Variants in NUP153 observed in about 807,000 individuals in gnomAD.
The protein encoded by NUP153 is nuclear pore complex protein Nup153.
A neutral mutation model predicts 134.6 loss-of-function variants in NUP153; 27 were observed. The ratio of observed to expected loss-of-function variants is 0.20; its 90% CI spans 0.15 to 0.28. The LOEUF (loss-of-function observed/expected upper bound fraction) is 0.28. Among genes scored for constraint, NUP153 ranks in the 10% least tolerant of loss-of-function variants. The pLI, the probability that NUP153 is intolerant of heterozygous loss-of-function variation, is 1.00. For synonymous variants in NUP153, 640 were observed against 623.5 expected, an observed-to-expected ratio of 1.03 and a Z score of -0.40; for missense variants, 1,821 against 1,731.3, an observed-to-expected ratio of 1.05 and a Z score of -0.92.
chr6:17,642,025 AGTAG>A (rs1433850418), intron 14 of NUP153, among the ~76,000 whole-genome samples: 1 of 152,196 alleles, frequency 6.6e-6, no homozygotes, highest in Non-Finnish European at 1.5e-5. Context: ...TTTAAAAAGT[AGTAG>A]GTAAAGTACT....
At chr6:17,689,808 A>T (rs1769171021) in intron 1 of NUP153, among the ~76,000 whole-genome samples, 1 of 152,118 alleles carries the variant, frequency 6.6e-6, no homozygotes, top group Non-Finnish European at 1.5e-5. Context: ...TACAAGCATG[A>T]GCCACCGTGC....
At chr6:17,661,585 T>C in intron 11 of NUP153, 68 bp downstream of exon 11, 1 of 1,490,256 alleles carries the variant, frequency 6.7e-7, no homozygotes, top group Non-Finnish European at 9.0e-7. Flanking sequence ...CCTACAGGTC[T>C]CCCCTTACCA....
Position 17,625,959 on chromosome 6 carries a change from C to G in NUP153, c.3750G>C (p.Gln1250His), listed in dbSNP as rs760941892. 6 of 1,614,028 alleles carry G rather than the reference C, an allele frequency of 3.7e-6. No homozygotes were observed. The Admixed American group carries it at 1.0e-4, about 27-fold the overall frequency. Residue 1250 changes from glutamine to histidine, a missense_variant, in exon 19 of 22, where the codon CAG (glutamine) becomes CAC (histidine). Gln to His is a conservative substitution (Grantham distance 24). Transcript: ENST00000262077. This position sits in a 1 kb window ranked among gnomAD's most constrained non-coding sequence, Gnocchi z 4.7. Reference protein sequence around the residue: ...FGNTAESSTSQSLLFSQDSKL... With the variant: ...FGNTAESSTSHSLLFSQDSKL... ...TGCTATCTTGAGAAAATAGCAAAGACTGAGAGGTGCTGGATTCAGCAGTGT... is the reference window on the plus strand; with the variant it reads ...TGCTATCTTGAGAAAATAGCAAAGAGTGAGAGGTGCTGGATTCAGCAGTGT...
intron 11 of NUP153, chr6:17,651,833 CCT>C: frequency 1.5e-6 from 1 of 648,132 alleles, no homozygotes; most frequent in Non-Finnish European, 2.9e-6. Context: ...GTAGCACATA[CCT>C]GTAATCTCAG....
At chr6:17,673,042 C>T (rs1768006348) in intron 5 of NUP153, among the ~76,000 whole-genome samples, 1 of 152,142 alleles carries the variant, frequency 6.6e-6, no homozygotes, top group African/African-American at 2.4e-5. Flanking sequence ...AATACACACA[C>T]ACGCACACAC....
intron 2 of NUP153, among the ~76,000 whole-genome samples, chr6:17,681,336 T>C (rs955333169): frequency 2.0e-5 from 3 of 152,068 alleles, no homozygotes; most frequent in Non-Finnish European, 2.9e-5. Context: ...CCTGTAATCC[T>C]AGCACTTTGG....
Position 17,626,059 on chromosome 6 carries a change from G to A in NUP153, c.3650C>T (p.Ser1217Phe). The A allele has an allele frequency of 1.2e-6, 2 of 1,614,118 alleles. No individual in the cohort carries two copies. The highest frequency in any genetic ancestry group is 1.7e-6 in the Non-Finnish European group (2 of 1,180,012). Reference sequence around the variant, plus strand: ...GGTAGCCACAGGTGGATTGGAGGAAGAGGTGGAACTACCAAATATGCCACC... The same window carrying A: ...GGTAGCCACAGGTGGATTGGAGGAAAAGGTGGAACTACCAAATATGCCACC... Reference protein sequence around the residue: ...AGGGIFGSSTSSSNPPVATFV... With the variant: ...AGGGIFGSSTFSSNPPVATFV... Residue 1217 changes from serine to phenylalanine, a missense_variant, in exon 19 of 22, where the codon TCT (serine) becomes TTT (phenylalanine). Transcript: ENST00000262077.
chr6:17,691,722 G>A (rs983198484), intron 1 of NUP153, among the ~76,000 whole-genome samples: 2 of 152,088 alleles, frequency 1.3e-5, no homozygotes, highest in African/African-American at 2.4e-5. Context: ...CTCCAGCCTG[G>A]GTGACACAGC....
chr6:17,668,973 A>G lies in NUP153; in HGVS notation c.1068+2T>C. On this transcript the variant is annotated splice_donor_variant, in intron 8 of 21. Transcript: ENST00000262077. LOFTEE classifies it high-confidence loss of function. ...AATAACTAAATGCTAAAGAAGTTTTACCTTTTCTCTTTTGGCCTGAAAATC... is the reference window on the plus strand; with the variant it reads ...AATAACTAAATGCTAAAGAAGTTTTGCCTTTTCTCTTTTGGCCTGAAAATC... 1 of 1,555,480 alleles carries G rather than the reference A, an allele frequency of 6.4e-7. No individual in the cohort carries two copies. Among genetic ancestry groups the G allele is most frequent in the East Asian group, 2.3e-5 (1 of 43,240 alleles).
intron 1 of NUP153, among the ~76,000 whole-genome samples, chr6:17,689,244 G>A (rs1769132050): frequency 6.7e-6 from 1 of 148,996 alleles, no homozygotes; most frequent in African/African-American, 2.6e-5. Context: ...AAAATTAGCA[G>A]GGCATGGTGG....
chr6:17,696,039 A>G (rs1769622100), intron 1 of NUP153, among the ~76,000 whole-genome samples: 1 of 152,092 alleles, frequency 6.6e-6, no homozygotes, highest in East Asian at 1.9e-4. Flanking sequence ...AAAATACTGG[A>G]ACAATTTTTT....
rs188581729 is a variant in NUP153 at position 17,673,076 on chromosome 6, G to C, written c.852+1829C>G. 3.9e-3 allele frequency among the ~76,000 whole-genome samples: 588 copies of C among 152,062 alleles called. 7 individuals are homozygous for C. Among genetic ancestry groups the C allele is most frequent in the African/African-American group, 0.013 (541 of 41,488 alleles). On this transcript the variant is annotated intron_variant, in intron 5 of 21. Coordinates refer to ENST00000262077, the MANE Select transcript of NUP153 (RefSeq NM_005124.4). ...ACACACACAAAAGATGTCATCAAAAGTAAAACTTCTGGCTGGGCGCGGTGG... is the reference window on the plus strand; with the variant it reads ...ACACACACAAAAGATGTCATCAAAACTAAAACTTCTGGCTGGGCGCGGTGG...
intron 1 of NUP153, among the ~76,000 whole-genome samples, chr6:17,703,971 G>C (rs1303734286): frequency 1.3e-5 from 2 of 152,144 alleles, no homozygotes; most frequent in Non-Finnish European, 1.5e-5. Flanking sequence ...CCCAAAATTA[G>C]ATTTTTATTT....
chr6:17,674,862 A>G, intron 5 of NUP153, 43 bp downstream of exon 5: 1 of 1,455,314 alleles, frequency 6.9e-7, no homozygotes, highest in Admixed American at 2.5e-5. Context: ...AAGTGTAAAA[A>G]AAAAGAAAAA....
intron 10 of NUP153, 34 bp from the exon 11 acceptor site, chr6:17,661,813 A>G (rs1190987008): frequency 6.3e-7 from 1 of 1,598,876 alleles, no homozygotes; most frequent in Non-Finnish European, 8.5e-7. Context: ...AACAACTGAT[A>G]TATTATTGTG....
chr6:17,665,052 CAAA>C (rs10527400), intron 9 of NUP153, among the ~76,000 whole-genome samples, 184 bp downstream of exon 9: 2 of 69,686 alleles, frequency 2.9e-5, no homozygotes, highest in South Asian at 7.2e-4. Flanking sequence ...GACTCCGTCT[CAAA>C]AAAAAAAAAA....
At chr6:17,672,703 C>T (rs1164566895) in intron 5 of NUP153, among the ~76,000 whole-genome samples, 1 of 152,024 alleles carries the variant, frequency 6.6e-6, no homozygotes, top group Admixed American at 6.5e-5. Flanking sequence ...AAACAAAAAA[C>T]CTTGGCCAGG....
intron 5 of NUP153, among the ~76,000 whole-genome samples, chr6:17,673,801 T>C (rs1055309919): frequency 2.6e-5 from 4 of 152,216 alleles, no homozygotes; most frequent in African/African-American, 4.8e-5. Context: ...TTTGGCAGTT[T>C]ATTATAAAGT....
At chr6:17,654,198 C>G (rs559976005) in intron 11 of NUP153, among the ~76,000 whole-genome samples, 2 of 152,180 alleles carry the variant, frequency 1.3e-5, no homozygotes, top group African/African-American at 4.8e-5. Flanking sequence ...AGGGAAGCTT[C>G]TCTTCTCTGT....
Sources: gnomAD v4.1 joint callset for allele counts (sites outside exome capture counted in the v4.1 genomes callset) on GRCh38, gnomAD v4.1.1 for gene constraint, Gnocchi (gnomAD v3.1) non-coding constraint, MANE v1.5 for transcripts, NCBI Gene and HGNC (gene_info 2026-07-23, HGNC 2026-07-21) for gene names.